The following RNF40 variants were observed in gnomAD, a reference collection of about 807,000 sequenced individuals.
RNF40 encodes E3 ubiquitin-protein ligase BRE1B.
In RNF40, 39 loss-of-function variants were observed where a neutral mutation model predicts 123.3. The ratio of observed to expected loss-of-function variants is 0.32; its 90% CI spans 0.24 to 0.41. RNF40 has a LOEUF of 0.41. Ranked by LOEUF, RNF40 falls within the 10% of genes least tolerant of loss-of-function variation. The pLI, the probability that RNF40 is intolerant of heterozygous loss-of-function variation, is 1.00. For synonymous variants in RNF40, 538 were observed against 526.0 expected, an observed-to-expected ratio of 1.02 and a Z score of -0.31; for missense variants, 1,003 against 1,319.9, an observed-to-expected ratio of 0.76 and a Z score of 3.72.
intron 19 of RNF40, among the ~76,000 whole-genome samples, chr16:30,773,186 G>A (rs928455596): frequency 6.6e-6 from 1 of 152,154 alleles, no homozygotes; most frequent in Non-Finnish European, 1.5e-5. Context: ...TAGAGGCAGA[G>A]GTGGAAGCCA....
chr16:30,770,119 A>ATGGATTTTGTTTTTTTTTTTTTTTTTT (rs144255833), intron 17 of RNF40, among the ~76,000 whole-genome samples: 1 of 98,850 alleles, frequency 1.0e-5, no homozygotes, highest in African/African-American at 3.8e-5. Context: ...AAAACAAAAG[A>ATGGATTTTGTTTTTTTTTTTTTTTTTT]TTTTTGAGTT....
Position 30,762,506 on chromosome 16 carries a change from G to A in RNF40, c.-40G>A, listed in dbSNP as rs2053875537. 2 of 1,544,276 alleles carry A rather than the reference G, an allele frequency of 1.3e-6. No homozygotes were observed. Among genetic ancestry groups the A allele is most frequent in the South Asian group, 1.2e-5 (1 of 83,856 alleles). On this transcript the variant is annotated 5_prime_UTR_variant, in exon 2 of 20. Coordinates refer to ENST00000324685, the MANE Select transcript of RNF40 (RefSeq NM_014771.4). ...GAAGTACCGCCTCCTCCCGTTTGAC[G>A]CCCCTCAGGGGACCCTGCATCGCTC... is the stretch of plus-strand genomic sequence containing the variant.
chr16:30,769,467 G>T lies in RNF40; in HGVS notation c.2461-8G>T, dbSNP rs201855583. ...GGTCATGGCCCTGAGTCCTCCTCTG[G>T]TCCTTAGGTGGATGCCCAGCTGCTG... is the stretch of plus-strand genomic sequence containing the variant. On this transcript the variant is annotated splice_region_variant and splice_polypyrimidine_tract_variant and intron_variant, in intron 16 of 19. Transcript: ENST00000324685. The T allele has an allele frequency of 5.6e-6, 9 of 1,613,920 alleles. No homozygotes were observed. The Admixed American group carries it at 8.3e-5, about 15-fold the overall frequency.
At position 30,769,315 on chromosome 16, in the gene RNF40, C is replaced by T. The variant is rs780202829; in HGVS notation, c.2377C>T (p.Arg793Trp). 6.2e-7 allele frequency: 1 copy of T among 1,614,208 alleles called. No individual in the cohort carries two copies. Among genetic ancestry groups the T allele is most frequent in the South Asian group, 1.1e-5 (1 of 91,090 alleles). ...DDANFKLMSE[R>W]IKANQIHKLL... is the part of the protein sequence containing the mutation. ...TGCCAACTTTAAGCTAATGTCAGAGCGGATCAAGGCCAACCAGATTCACAA... is the reference window on the plus strand; with the variant it reads ...TGCCAACTTTAAGCTAATGTCAGAGTGGATCAAGGCCAACCAGATTCACAA... The change falls in exon 16 of 20, where the codon CGG (arginine) becomes TGG (tryptophan). Residue 793 changes from arginine to tryptophan, a missense_variant. By Grantham distance (101) the Arg-to-Trp change is moderately radical. Coordinates refer to ENST00000324685, the MANE Select transcript of RNF40 (RefSeq NM_014771.4).
At position 30,773,967 on chromosome 16, in the gene RNF40, C is replaced by G; in HGVS notation, c.2859C>G (p.Thr953=). The G allele has an allele frequency of 6.2e-7, 1 of 1,613,620 alleles. No homozygotes were observed. The highest frequency in any genetic ancestry group is 8.5e-7 in the Non-Finnish European group (1 of 1,179,556). ...KARLTCPCCN[T]RKKDAVLTKC... is the part of the protein sequence containing the mutation. ...GGTTGACCTGCCCCTGCTGTAACAC[C>G]CGCAAGAAGGATGCAGTCCTTACCA... The change falls in exon 20 of 20, where the codon ACC becomes ACG. Residue 953 remains threonine, a synonymous_variant. Coordinates refer to ENST00000324685, the MANE Select transcript of RNF40 (RefSeq NM_014771.4).
Position 30,768,527 on chromosome 16 carries a change from T to C in RNF40, c.1976T>C (p.Leu659Pro). The change falls in exon 13 of 20, where the codon CTC becomes CCC. Residue 659 changes from leucine (L) to proline (P), a missense_variant. Leu to Pro is a moderately conservative substitution (Grantham distance 98). This residue lies in a region of RNF40 where 295 missense variants were observed against 331.7 expected (regional missense o/e 0.89). Transcript: ENST00000324685. This position sits in a 1 kb window ranked among gnomAD's most constrained non-coding sequence, Gnocchi z 4.1. ...SELLKGLRAE[L>P]KKAQESQKEM... ...CTCCTCAAGGGTCTCCGAGCAGAGCTCAAGTGAGGCTCTGTTCCTGTCTCC... is the reference window on the plus strand; with the variant it reads ...CTCCTCAAGGGTCTCCGAGCAGAGCCCAAGTGAGGCTCTGTTCCTGTCTCC... The C allele has an allele frequency of 6.2e-7, 1 of 1,611,652 alleles. No individual in the cohort carries two copies. The highest frequency in any genetic ancestry group is 8.5e-7 in the Non-Finnish European group (1 of 1,178,314).
intron 15 of RNF40, 49 bp downstream of exon 15, chr16:30,769,036 A>G (rs756333489): frequency 6.2e-6 from 10 of 1,611,588 alleles, no homozygotes; most frequent in South Asian, 2.2e-5. Flanking sequence ...AGTTCCCTTC[A>G]TACCCTGTTT....
rs1347397740 is a variant in RNF40, at chr16:30,767,919, C to T, written c.1455C>T (p.His485=). ...QAGPINREMR[H]LISSLQNHNH... is the part of the protein sequence containing the mutation. ...GGCCCATCAACCGTGAGATGCGCCA[C>T]CTGATTAGTAGTCTTCAAAACCACA... The change falls in exon 12 of 20, where the codon CAC becomes CAT. Residue 485 remains histidine, a synonymous_variant. Transcript: ENST00000324685. The T allele has an allele frequency of 1.2e-6, 2 of 1,614,152 alleles. No homozygotes were observed. Among genetic ancestry groups the T allele is most frequent in the Non-Finnish European group, 1.7e-6 (2 of 1,180,042 alleles).
Position 30,768,949 on chromosome 16 carries a change from A to G in RNF40, c.2209A>G (p.Ile737Val). 1 of 1,614,090 alleles carries G rather than the reference A, an allele frequency of 6.2e-7. No homozygotes were observed. The highest frequency in any genetic ancestry group is 8.5e-7 in the Non-Finnish European group (1 of 1,180,032). ...GCGCATTCGGCAGGCAGAGGAGCAG[A>G]TAGAACACCTGCAGCGCAAGCTGGG... ...LRRIRQAEEQ[I>V]EHLQRKLGAT... is the part of the protein sequence containing the mutation. Residue 737 changes from isoleucine to valine, a missense_variant, in exon 15 of 20, where the codon ATA becomes GTA. By Grantham distance (29) the Ile-to-Val change is conservative. Transcript: ENST00000324685. The surrounding 1 kb of genome is among the most constrained non-coding windows in gnomAD (Gnocchi z 4.1).
rs1283777130 is a variant in RNF40, at chr16:30,773,852, G to A, written c.2830-86G>A. ...ATGAGGTGCAGTCTCCAGTGTGGTG[G>A]GCTTGGCCTGGACTCCTCCTGCTGT... On this transcript the variant is annotated intron_variant, in intron 19 of 19. Coordinates refer to ENST00000324685, the MANE Select transcript of RNF40 (RefSeq NM_014771.4). 4 of 1,368,824 alleles carry A rather than the reference G, an allele frequency of 2.9e-6. No individual in the cohort carries two copies. In the African/African-American group the frequency reaches 5.8e-5, roughly 20 times the overall value. The allele number at this position is 1,368,824 out of a possible 1,614,324, so 84.8% of individuals were successfully genotyped here.
intron 11 of RNF40, among the ~76,000 whole-genome samples, chr16:30,767,406 G>A (rs1361613202): frequency 2.0e-5 from 3 of 152,084 alleles, no homozygotes; most frequent in African/African-American, 7.2e-5. Context: ...CCAGGGAAAT[G>A]TACTGGGAAG....
intron 5 of RNF40, 111 bp from the exon 6 acceptor site, chr16:30,764,827 A>G (rs1208392031): frequency 6.9e-7 from 1 of 1,452,772 alleles, no homozygotes; most frequent in Non-Finnish European, 9.2e-7. Context: ...GTCATGAGAA[A>G]TGGGCAAGAC....
At chr16:30,761,734 C>A (rs979500454), upstream of RNF40, 1 of 1,525,120 alleles carries the variant, frequency 6.6e-7, no homozygotes, top group Admixed American at 2.0e-5. Context: ...AGTGGCTGGT[C>A]TTGCGGTTGA....
At chr16:30,763,395 T>A in intron 3 of RNF40, 23 bp from the exon 4 acceptor site, 4 of 1,598,010 alleles carry the variant, frequency 2.5e-6, no homozygotes, top group Non-Finnish European at 3.4e-6. Flanking sequence ...ATTCATAACA[T>A]TTTTGATGTT....
chr16:30,765,834 G>A (rs2054019224), intron 8 of RNF40, among the ~76,000 whole-genome samples: 2 of 152,232 alleles, frequency 1.3e-5, no homozygotes, highest in Admixed American at 1.3e-4. Context: ...CAAAGATAAA[G>A]CACAGAAGAG....
rs2054013100 is a variant in RNF40 at position 30,765,568 on chromosome 16, G to C, written c.993+69G>C. The C allele has an allele frequency of 2.9e-6, 4 of 1,388,768 alleles. No homozygotes were observed. The South Asian group carries it at 4.8e-5, about 17-fold the overall frequency. The allele number at this position is 1,388,768 out of a possible 1,614,324, so 86.0% of individuals were successfully genotyped here. A position where few individuals can be genotyped will look rare whatever the true frequency, so the allele number is the denominator to read the frequency against. ...TGTTGCACTCTTGAAATTCCCCTCA[G>C]GACAAAGGACAAACATCCATCTCTG... On this transcript the variant is annotated intron_variant, in intron 8 of 19. Transcript: ENST00000324685.
chr16:30,762,028 C>T (rs1253969008), upstream of RNF40: 7 of 496,048 alleles, frequency 1.4e-5, no homozygotes, highest in Non-Finnish European at 2.5e-5. Context: ...TTGCGAGTGC[C>T]CACCTGGGCG....
rs1227435672 is a variant in RNF40 at position 30,762,613 on chromosome 16, G to A, written c.68G>A (p.Ser23Asn). Residue 23 changes from serine to asparagine, a missense_variant, in exon 2 of 20, where the codon AGT becomes AAT. Ser to Asn is a conservative substitution (Grantham distance 46). Transcript: ENST00000324685. Reference protein sequence around the residue: ...GGSGPPEKKLSREEKTTTTLI... With the variant: ...GGSGPPEKKLNREEKTTTTLI... ...TCAGGGCCCCCGGAAAAGAAGCTGA[G>A]TCGTGAGGAGAAGACCACCACGACT... The A allele has an allele frequency of 4.3e-6, 7 of 1,611,536 alleles. No homozygotes were observed. Among genetic ancestry groups the A allele is most frequent in the Non-Finnish European group, 5.9e-6 (7 of 1,179,694 alleles).
Position 30,764,972 on chromosome 16 carries a change from A to G in RNF40, c.684A>G (p.Ala228=). 1 of 1,612,892 alleles carries G rather than the reference A, an allele frequency of 6.2e-7. No individual in the cohort carries two copies. The highest frequency in any genetic ancestry group is 8.5e-7 in the Non-Finnish European group (1 of 1,179,998). Residue 228 remains alanine (A), a synonymous_variant, in exon 6 of 20, where the codon GCA becomes GCG. Transcript: ENST00000324685. ...DSEPLSEAAQ[A]HTRELGRENR... ...AGCCCCTCAGTGAGGCGGCTCAGGC[A>G]CACACCCGAGAGCTGGGCCGTGAGA...
Sources: allele counts gnomAD v4.1 joint callset (sites outside exome capture counted in the v4.1 genomes callset), GRCh38; gene constraint gnomAD v4.1.1; regional missense constraint gnomAD v4.1.1; non-coding constraint Gnocchi (gnomAD v3.1); transcripts MANE v1.5; gene names NCBI Gene and HGNC (gene_info 2026-07-23, HGNC 2026-07-21).